CDHR4: variants seen among roughly 807,000 people sequenced by gnomAD.
The protein encoded by CDHR4 is cadherin related family member 4.
A neutral mutation model predicts 88.4 loss-of-function variants in CDHR4; 89 were observed. The ratio of observed to expected loss-of-function variants is 1.01; its 90% CI spans 0.85 to 1.20. The LOEUF is 1.20. CDHR4 is among the 50% of genes most tolerant of loss of function. CDHR4 has a pLI of 0.00. For missense variants in CDHR4, 914 were observed against 1,007.2 expected, an observed-to-expected ratio of 0.91 and a Z score of 1.25; for synonymous variants, 368 against 399.2, an observed-to-expected ratio of 0.92 and a Z score of 0.93.
upstream of CDHR4, among the ~76,000 whole-genome samples, chr3:49,801,637 G>A (rs2081362717): frequency 6.6e-6 from 1 of 152,226 alleles, no homozygotes; most frequent in African/African-American, 2.4e-5. Context: ...GTCTTTCCCA[G>A]ATCAGTTTAT....
chr3:49,801,341 TCCA>T (rs2081358591), upstream of CDHR4, among the ~76,000 whole-genome samples: 1 of 152,188 alleles, frequency 6.6e-6, no homozygotes, highest in South Asian at 2.1e-4. Flanking sequence ...CTCCCCTACC[TCCA>T]CCTCATGGAA....
In CDHR4 at chr3:49,795,030, C is replaced by T; in HGVS notation, c.1102G>A (p.Val368Ile). The T allele has an allele frequency of 6.4e-7, 1 of 1,551,692 alleles. No individual in the cohort carries two copies. Among genetic ancestry groups the T allele is most frequent in the Non-Finnish European group, 8.7e-7 (1 of 1,146,986 alleles). Residue 368 changes from valine (V) to isoleucine (I), a missense_variant, in exon 9 of 19, where the codon GTT (valine) becomes ATT (isoleucine). Transcript: ENST00000412678. This position sits in a 1 kb window ranked among gnomAD's most constrained non-coding sequence, Gnocchi z 5.4. ...NTLTCEDPDS[V>I]GATLDYKLWF... Reference sequence around the variant, plus strand: ...AGCTTGTAGTCCAGGGTGGCACCAACAGAGTCCGGATCTTCGCAAGTGAGA... The same window carrying T: ...AGCTTGTAGTCCAGGGTGGCACCAATAGAGTCCGGATCTTCGCAAGTGAGA...
At chr3:49,792,342 C>T in intron 15 of CDHR4, 126 bp downstream of exon 15, 2 of 1,220,404 alleles carry the variant, frequency 1.6e-6, no homozygotes, top group East Asian at 2.5e-5. Flanking sequence ...AGTAGCCCTC[C>T]TCAATATCAG....
Position 49,795,414 on chromosome 3 carries a change from C to G in CDHR4, c.848-35G>C. The G allele has an allele frequency of 6.5e-7, 1 of 1,543,262 alleles. No individual in the cohort carries two copies. Among genetic ancestry groups the G allele is most frequent in the Non-Finnish European group, 8.7e-7 (1 of 1,144,630 alleles). ...GTGAGAGAACACAGAGGTCAGGGGTCAGGGAACACAGAGATCAGCCCCGCC... is the reference window on the plus strand; with the variant it reads ...GTGAGAGAACACAGAGGTCAGGGGTGAGGGAACACAGAGATCAGCCCCGCC... On this transcript the variant is annotated intron_variant, in intron 7 of 18. Transcript: ENST00000412678. The surrounding 1 kb of genome is among the most constrained non-coding windows in gnomAD (Gnocchi z 5.4).
chr3:49,795,614 C>T lies in CDHR4; in HGVS notation c.847+14G>A. 2.6e-6 allele frequency: 4 copies of T among 1,551,570 alleles called. No individual in the cohort carries two copies. The highest frequency in any genetic ancestry group is 3.5e-6 in the Non-Finnish European group (4 of 1,146,934). ...GCATCCCAGTACCTGCCCCCACCCC[C>T]CAACACCTCTCACCACGACCAATGG... is the stretch of plus-strand genomic sequence containing the variant. On this transcript the variant is annotated intron_variant, in intron 7 of 18. Coordinates refer to ENST00000412678, the MANE Select transcript of CDHR4 (RefSeq NM_001007540.4). The surrounding 1 kb of genome is among the most constrained non-coding windows in gnomAD (Gnocchi z 5.4).
At position 49,793,144 on chromosome 3, in the gene CDHR4, G is replaced by A; in HGVS notation, c.1774+17C>T. The A allele has an allele frequency of 6.4e-7, 1 of 1,551,160 alleles. No homozygotes were observed. The highest frequency in any genetic ancestry group is 8.7e-7 in the Non-Finnish European group (1 of 1,146,626). On this transcript the variant is annotated intron_variant, in intron 13 of 18. Coordinates refer to ENST00000412678, the MANE Select transcript of CDHR4 (RefSeq NM_001007540.4). ...CCTGCCCCTCACTCACAACCTGGTG[G>A]TGCCCATGTCCCCTACCTCCCACGA...
intron 14 of CDHR4, 25 bp from the exon 15 acceptor site, chr3:49,792,635 C>A (rs1475056264): frequency 2.6e-6 from 4 of 1,550,668 alleles, no homozygotes; most frequent in Non-Finnish European, 3.5e-6. Flanking sequence ...ACAGCCTCAC[C>A]ACTGCCTTGC....
rs1324399651 is a variant in CDHR4 at position 49,792,589 on chromosome 3, T to C, written c.2017A>G (p.Met673Val). 6 of 1,551,574 alleles carry C rather than the reference T, an allele frequency of 3.9e-6. No individual in the cohort carries two copies. Among genetic ancestry groups the C allele is most frequent in the East Asian group, 2.4e-5 (1 of 40,924 alleles). The change falls in exon 15 of 19, where the codon ATG becomes GTG. Residue 673 changes from methionine (M) to valine (V), a missense_variant. Physicochemically the swap from Met to Val is conservative, Grantham distance 21 (BLOSUM62 1). Coordinates refer to ENST00000412678, the MANE Select transcript of CDHR4 (RefSeq NM_001007540.4). ...AAAGCCTCTGTGTCTGTCACGAGCA[T>C]GGGTGTCATCGTTGAGGGCACCTGA... Reference protein sequence around the residue: ...RTTVPSTMTPMLVTDTEAFWQ... With the variant: ...RTTVPSTMTPVLVTDTEAFWQ...
At chr3:49,794,799 C>A in intron 9 of CDHR4, 98 bp from the exon 10 acceptor site, 1 of 1,423,600 alleles carries the variant, frequency 7.0e-7, no homozygotes. Flanking sequence ...AAATATCTTG[C>A]CTGGATCCTG....
Position 49,793,861 on chromosome 3 carries a change from G to T in CDHR4, c.1425C>A (p.Asp475Glu), listed in dbSNP as rs1452583476. 6.4e-7 allele frequency: 1 copy of T among 1,551,772 alleles called. No homozygotes were observed. The highest frequency in any genetic ancestry group is 8.7e-7 in the Non-Finnish European group (1 of 1,147,000). The change falls in exon 11 of 19, where the codon GAC becomes GAA. Residue 475 changes from aspartate (D) to glutamate (E), a missense_variant. Physicochemically the swap from Asp to Glu is conservative, Grantham distance 45. Coordinates refer to ENST00000412678, the MANE Select transcript of CDHR4 (RefSeq NM_001007540.4). ...VVGTDMDYPH[D>E]NIEYYTSGGP... is the part of the protein sequence containing the mutation. ...CACCAGAGGTGTAGTACTCAATGTTGTCATGAGGGTAATCCATATCCGTGC... is the reference window on the plus strand; with the variant it reads ...CACCAGAGGTGTAGTACTCAATGTTTTCATGAGGGTAATCCATATCCGTGC...
chr3:49,796,091 C>T, intron 5 of CDHR4, 45 bp from the exon 6 acceptor site: 1 of 1,398,100 alleles, frequency 7.2e-7, no homozygotes, highest in Non-Finnish European at 9.6e-7. Flanking sequence ...TGTGTGTGTC[C>T]ACCTCTTTGT....
rs376910107 is a variant in CDHR4, at chr3:49,798,895, T to G, written c.426A>C (p.Pro142=). 49 of 1,613,678 alleles carry G rather than the reference T, an allele frequency of 3.0e-5. No individual in the cohort carries two copies. The highest frequency in any genetic ancestry group is 4.0e-5 in the Non-Finnish European group (47 of 1,179,828). Residue 142 remains proline (P), a synonymous_variant, in exon 4 of 19, where the codon CCA becomes CCC. Transcript: ENST00000412678. ...GCCGAGCCCCAGGTGTGACTGTCTCTGGCACCTGAATCATTTCCCCAGCTG... is the reference window on the plus strand; with the variant it reads ...GCCGAGCCCCAGGTGTGACTGTCTCGGGCACCTGAATCATTTCCCCAGCTG... ...ASPAGEMIQV[P]ETVTPGARLY...
chr3:49,799,617 G>T, intron 1 of CDHR4, 147 bp downstream of exon 1: 1 of 1,044,824 alleles, frequency 9.6e-7, no homozygotes, highest in Non-Finnish European at 1.4e-6. Context: ...GACTGAGGAA[G>T]TGGCCAAGAG....
chr3:49,798,736 C>T lies in CDHR4; in HGVS notation c.495+90G>A, dbSNP rs778509591. The T allele has an allele frequency of 2.4e-4, 304 of 1,272,876 alleles. 1 individual carries two copies. Among genetic ancestry groups the T allele is most frequent in the Non-Finnish European group, 3.1e-4 (278 of 909,938 alleles). The allele number at this position is 1,272,876 out of a possible 1,614,324, so 78.8% of individuals were successfully genotyped here. A position where few individuals can be genotyped will look rare whatever the true frequency, so the allele number is the denominator to read the frequency against. On this transcript the variant is annotated intron_variant, in intron 4 of 18. Transcript: ENST00000412678. ...ATGCCTCTGCTGCAAGGTTCCTCTT[C>T]AGGCTGTGCCTGGCCAGGTGGGGGT...
upstream of CDHR4, among the ~76,000 whole-genome samples, chr3:49,802,802 T>A (rs2081380142): frequency 1.3e-5 from 2 of 152,160 alleles, no homozygotes; most frequent in African/African-American, 4.8e-5. Flanking sequence ...TGCCACAAAG[T>A]CCCGCCCTCT....
In CDHR4 at chr3:49,795,341, C is replaced by A. The variant is rs768410333; in HGVS notation, c.886G>T (p.Ala296Ser). Residue 296 changes from alanine (A) to serine (S), a missense_variant, in exon 8 of 19, where the codon GCT becomes TCT. By Grantham distance (99) the Ala-to-Ser change is moderately conservative. Transcript: ENST00000412678. The surrounding 1 kb of genome is among the most constrained non-coding windows in gnomAD (Gnocchi z 5.4). ...VVRTTTPLEL[A>S]RTSGTAVSRL... ...GAGACCGCGGTGCCTGAGGTGCGAGCTAACTCTAGGGGCGTGGTGGTCCGG... is the reference window on the plus strand; with the variant it reads ...GAGACCGCGGTGCCTGAGGTGCGAGATAACTCTAGGGGCGTGGTGGTCCGG... The A allele has an allele frequency of 1.3e-6, 2 of 1,551,410 alleles. No individual in the cohort carries two copies. Among genetic ancestry groups the A allele is most frequent in the Non-Finnish European group, 1.7e-6 (2 of 1,146,954 alleles).
rs1181065926 is a variant in CDHR4 at position 49,790,808 on chromosome 3, A to C, written c.*24T>G. 5 of 1,540,518 alleles carry C rather than the reference A, an allele frequency of 3.2e-6. No homozygotes were observed. The highest frequency in any genetic ancestry group is 4.4e-6 in the Non-Finnish European group (5 of 1,142,258). ...TGATGGTGTGAAAAAGAAATTCCAC[A>C]CATAGTAAGACAGCTACTTGGCCTC... is the stretch of plus-strand genomic sequence containing the variant. On this transcript the variant is annotated 3_prime_UTR_variant, in exon 19 of 19. Coordinates refer to ENST00000412678, the MANE Select transcript of CDHR4 (RefSeq NM_001007540.4).
At chr3:49,794,194 T>C (rs982118466) in intron 10 of CDHR4, among the ~76,000 whole-genome samples, 188 bp from the exon 11 acceptor site, 2 of 152,038 alleles carry the variant, frequency 1.3e-5, no homozygotes, top group African/African-American at 2.4e-5. Flanking sequence ...GTCAGGAGAT[T>C]GAGACTATCC....
At chr3:49,797,390 G>A (rs946077869) in intron 4 of CDHR4, among the ~76,000 whole-genome samples, 2 of 149,820 alleles carry the variant, frequency 1.3e-5, no homozygotes, top group Non-Finnish European at 3.0e-5. Context: ...GTGATTCTCC[G>A]GCCTCAACCT....
Sources: allele counts gnomAD v4.1 joint callset (sites outside exome capture counted in the v4.1 genomes callset), GRCh38; gene constraint gnomAD v4.1.1; non-coding constraint Gnocchi (gnomAD v3.1); transcripts MANE v1.5; gene names NCBI Gene and HGNC (gene_info 2026-07-23, HGNC 2026-07-21).